The following PLXDC2 variants were observed in gnomAD, a reference collection of about 807,000 sequenced individuals.
PLXDC2 encodes plexin domain-containing protein 2.
A neutral mutation model predicts 68.9 loss-of-function variants in PLXDC2; 40 were observed. That is an observed-to-expected ratio of 0.58 (90% confidence interval 0.45 to 0.76). PLXDC2 has a LOEUF of 0.76. Among genes scored for constraint, PLXDC2 ranks in the 30% least tolerant of loss-of-function variants. The probability of loss-of-function intolerance (pLI) is 0.00; values close to 1 mark genes in which losing one functional copy is unlikely to be tolerated. For synonymous variants in PLXDC2, 243 were observed against 234.2 expected (o/e 1.04, Z -0.34); for missense variants, 644 against 661.9 (o/e 0.97, Z 0.30).
chr10:20,065,233 G>A (rs529201887), intron 3 of PLXDC2, among the ~76,000 whole-genome samples: 2 of 152,174 alleles, frequency 1.3e-5, no homozygotes, highest in African/African-American at 4.8e-5. Context: ...GCTAAGGGTA[G>A]CAAGTGCAAG....
rs1836106584 is a variant in PLXDC2 at position 20,283,385 on chromosome 10, C to T, written c.*3566C>T. 6.6e-6 allele frequency: 1 copy of T among 152,154 alleles called. No individual in the cohort carries two copies. The highest frequency in any genetic ancestry group is 1.5e-5 in the Non-Finnish European group (1 of 68,020). 9.4% of individuals were successfully genotyped at this position (152,154 alleles called of 1,614,324 possible). A position where few individuals can be genotyped will look rare whatever the true frequency, so the allele number is the denominator to read the frequency against. On this transcript the variant is annotated 3_prime_UTR_variant, in exon 14 of 14. Coordinates refer to ENST00000377252, the MANE Select transcript of PLXDC2 (RefSeq NM_032812.9). ...TACAGATGTGCAGACTCTTAAAAAC[C>T]TTATGTTAATGTAACCCATATAAAG...
At chr10:20,131,376 A>G (rs1833865519) in intron 4 of PLXDC2, among the ~76,000 whole-genome samples, 1 of 151,914 alleles carries the variant, frequency 6.6e-6, no homozygotes, top group African/African-American at 2.4e-5. Context: ...TATGGTATCA[A>G]TTGTAATCTC....
intron 3 of PLXDC2, among the ~76,000 whole-genome samples, chr10:20,064,106 T>C (rs1467491787): frequency 6.6e-6 from 1 of 150,448 alleles, no homozygotes; most frequent in Non-Finnish European, 1.5e-5. Flanking sequence ...CCCACCACCA[T>C]TTTCTTGAAT....
At chr10:20,266,985 G>T (rs577983778) in intron 13 of PLXDC2, among the ~76,000 whole-genome samples, 179 of 152,198 alleles carry the variant, frequency 1.2e-3, no homozygotes, top group Middle Eastern at 3.4e-3. Context: ...AACATCAAAC[G>T]AAGTCATTTA....
intron 2 of PLXDC2, among the ~76,000 whole-genome samples, chr10:20,023,282 C>A (rs1346640136): frequency 6.6e-6 from 1 of 151,958 alleles, no homozygotes; most frequent in African/African-American, 2.4e-5. Context: ...TCACATTTTA[C>A]TCTTTGGGAA....
chr10:20,001,934 G>A lies in PLXDC2; in HGVS notation c.272G>A (p.Ser91Asn), dbSNP rs1834948522. 1.2e-6 allele frequency: 2 copies of A among 1,613,194 alleles called. No individual in the cohort carries two copies. Among genetic ancestry groups the A allele is most frequent in the Non-Finnish European group, 1.7e-6 (2 of 1,179,960 alleles). Reference sequence around the variant, plus strand: ...GGCCAAGACTCTCCTGAGCCCAGAAGCTTCACAGACCTGCTGCTGGATGAT... The same window carrying A: ...GGCCAAGACTCTCCTGAGCCCAGAAACTTCACAGACCTGCTGCTGGATGAT... ...SVGQDSPEPR[S>N]FTDLLLDDGQ... is the part of the protein sequence containing the mutation. Residue 91 changes from serine to asparagine, a missense_variant, in exon 2 of 14, where the codon AGC becomes AAC. Transcript: ENST00000377252.
intron 1 of PLXDC2, among the ~76,000 whole-genome samples, chr10:19,984,492 T>C (rs1174813705): frequency 6.6e-6 from 1 of 152,240 alleles, no homozygotes; most frequent in East Asian, 1.9e-4. Context: ...CATTTTGCTT[T>C]TCCTCTGGGG....
rs1396496351 is a variant in PLXDC2, at chr10:20,147,877, G to A, written c.758G>A (p.Gly253Glu). Residue 253 changes from glycine to glutamate, a missense_variant, in exon 6 of 14, where the codon GGA becomes GAA. By Grantham distance (98) the Gly-to-Glu change is moderately conservative. This residue lies in a region of PLXDC2 where 113 missense variants were observed against 167.1 expected (regional missense o/e 0.68). Coordinates refer to ENST00000377252, the MANE Select transcript of PLXDC2 (RefSeq NM_032812.9). The stretch of plus-strand genomic sequence containing the variant: ...TTCCAGGCAACCCTGCTCATGGATG[G>A]ACGAATCATCTTTGGATACAAAGAA... Reference protein sequence around the residue: ...FTFQATLLMDGRIIFGYKEIP... With the variant: ...FTFQATLLMDERIIFGYKEIP... 2 of 1,608,460 alleles carry A rather than the reference G, an allele frequency of 1.2e-6. No individual in the cohort carries two copies. Among genetic ancestry groups the A allele is most frequent in the Non-Finnish European group, 1.7e-6 (2 of 1,174,912 alleles).
intron 4 of PLXDC2, among the ~76,000 whole-genome samples, chr10:20,076,182 A>C (rs1836445897): frequency 6.6e-6 from 1 of 152,236 alleles, no homozygotes; most frequent in African/African-American, 2.4e-5. Flanking sequence ...AAAGGAAAGA[A>C]ATAGTAAATA....
At chr10:20,140,377 A>C (rs1254170613) in intron 4 of PLXDC2, among the ~76,000 whole-genome samples, 1 of 96,412 alleles carries the variant, frequency 1.0e-5, no homozygotes, top group Non-Finnish European at 2.0e-5. Flanking sequence ...ATGAAGGACC[A>C]GAAAAATAAC....
At chr10:20,028,791 C>T (rs1835450350) in intron 2 of PLXDC2, among the ~76,000 whole-genome samples, 1 of 152,172 alleles carries the variant, frequency 6.6e-6, no homozygotes, top group African/African-American at 2.4e-5. Flanking sequence ...AGCTTCCAAA[C>T]CAATGTCTGA....
At chr10:20,073,603 A>G (rs1489722042) in intron 4 of PLXDC2, among the ~76,000 whole-genome samples, 3 of 152,192 alleles carry the variant, frequency 2.0e-5, no homozygotes, top group Non-Finnish European at 2.9e-5. Flanking sequence ...TGAATTGGAA[A>G]TATCATCTTT....
intron 9 of PLXDC2, among the ~76,000 whole-genome samples, chr10:20,182,984 G>A (rs1376803819): frequency 3.3e-5 from 5 of 151,872 alleles, no homozygotes; most frequent in East Asian, 3.9e-4. Context: ...TAATGAATTA[G>A]AAGTGAAGTA....
chr10:20,058,714 C>T (rs1001412037), intron 3 of PLXDC2, among the ~76,000 whole-genome samples: 1 of 152,152 alleles, frequency 6.6e-6, no homozygotes, highest in Non-Finnish European at 1.5e-5. Context: ...ATTTTTTTGT[C>T]TTGCCCTGTT....
At chr10:19,925,319 CT>C (rs1833523067) in intron 1 of PLXDC2, among the ~76,000 whole-genome samples, 2 of 152,132 alleles carry the variant, frequency 1.3e-5, no homozygotes, top group Non-Finnish European at 2.9e-5. Flanking sequence ...GTAAGTGGGC[CT>C]TGTGTGGACA....
At chr10:19,959,360 T>C (rs771927530) in intron 1 of PLXDC2, among the ~76,000 whole-genome samples, 12 of 152,048 alleles carry the variant, frequency 7.9e-5, no homozygotes, top group Non-Finnish European at 1.6e-4. Flanking sequence ...AATAAAGGGG[T>C]CAAAGCCTCA....
intron 1 of PLXDC2, among the ~76,000 whole-genome samples, chr10:19,945,495 C>T (rs556650417): frequency 6.6e-5 from 10 of 152,298 alleles, no homozygotes; most frequent in Non-Finnish European, 1.0e-4. Context: ...TTGCCAAGGC[C>T]GGGCTGGCCT....
At chr10:20,223,637 C>T (rs1835248035) in intron 12 of PLXDC2, among the ~76,000 whole-genome samples, 1 of 152,200 alleles carries the variant, frequency 6.6e-6, no homozygotes, top group Non-Finnish European at 1.5e-5. Flanking sequence ...TCAACCTTCC[C>T]ATGGGAAATG....
At chr10:20,024,303 G>GT (rs1476198527) in intron 2 of PLXDC2, among the ~76,000 whole-genome samples, 1 of 152,144 alleles carries the variant, frequency 6.6e-6, no homozygotes, top group Non-Finnish European at 1.5e-5. Context: ...GGACTAATTG[G>GT]TAAGAGATCA....
Sources: allele counts gnomAD v4.1 joint callset (sites outside exome capture counted in the v4.1 genomes callset), GRCh38; gene constraint gnomAD v4.1.1; regional missense constraint gnomAD v4.1.1; transcripts MANE v1.5; gene names NCBI Gene and HGNC (gene_info 2026-07-23, HGNC 2026-07-21).